The following RAD50 variants were observed in gnomAD, a reference collection of about 807,000 sequenced individuals.
RAD50 encodes the protein DNA repair protein RAD50.
RAD50 carries 132 observed loss-of-function variants against 168.8 expected under a neutral mutation model. The ratio of observed to expected loss-of-function variants is 0.78; its 90% CI spans 0.68 to 0.90. RAD50 has a LOEUF of 0.90. RAD50 is among the 40% of genes least tolerant of loss of function. The pLI is 0.00. For missense variants in RAD50, 1,347 were observed against 1,534.4 expected (o/e 0.88, Z 2.04); for synonymous variants, 525 against 497.4 (o/e 1.06, Z -0.74).
chr5:132,580,013 A>G lies in RAD50; in HGVS notation c.703A>G (p.Thr235Ala), dbSNP rs1561636294. ...GATTACAAGTAAGGAAGCCCAGTTA[A>G]CATCTTCAAAGGAAATTGTCAAATC... ...DQITSKEAQLTSSKEIVKSYE... is the reference protein window; with the variant it reads ...DQITSKEAQLASSKEIVKSYE... Residue 235 changes from threonine (T) to alanine (A), a missense_variant, in exon 5 of 25, where the codon ACA becomes GCA. By Grantham distance (58) the Thr-to-Ala change is moderately conservative. Around this residue, in one of 3 missense-constraint regions of RAD50, gnomAD observed 703 missense variants for 767.7 expected, o/e 0.92. Coordinates refer to ENST00000378823, the MANE Select transcript of RAD50 (RefSeq NM_005732.4). 10 of 1,613,524 alleles carry G rather than the reference A, an allele frequency of 6.2e-6. No homozygotes were observed. Among genetic ancestry groups the G allele is most frequent in the Non-Finnish European group, 8.5e-6 (10 of 1,179,520 alleles).
At chr5:132,624,901 A>G (rs1252273663) in intron 21 of RAD50, among the ~76,000 whole-genome samples, 1 of 151,310 alleles carries the variant, frequency 6.6e-6, no homozygotes, top group Non-Finnish European at 1.5e-5. Flanking sequence ...AAATCACCAA[A>G]ACTTCTATTT....
chr5:132,575,857 A>G lies in RAD50; in HGVS notation c.294A>G (p.Arg98=), dbSNP rs1580985086. 2.5e-6 allele frequency: 4 copies of G among 1,606,688 alleles called. No homozygotes were observed. Among genetic ancestry groups the G allele is most frequent in the Non-Finnish European group, 3.4e-6 (4 of 1,173,232 alleles). ...DVNGELIAVQ[R]SMVCTQKSKK... ...ATGGAGAACTTATAGCTGTGCAAAG[A>G]TCTATGGTGTGTACTCAGAAAAGCA... Residue 98 remains arginine (R), a synonymous_variant, in exon 3 of 25, where the codon AGA becomes AGG. Transcript: ENST00000378823.
chr5:132,638,060 A>C, intron 22 of RAD50, 21 bp from the exon 23 acceptor site: 1 of 1,612,966 alleles, frequency 6.2e-7, no homozygotes, highest in Non-Finnish European at 8.5e-7. Flanking sequence ...TTCCTCTAAA[A>C]TATTCTTCTT....
intron 11 of RAD50, 147 bp downstream of exon 11, chr5:132,592,181 T>A: frequency 1.2e-6 from 1 of 844,842 alleles, no homozygotes; most frequent in Non-Finnish European, 1.9e-6. Context: ...AGAAAGTTCA[T>A]GGAAAAATGG....
Position 132,642,417 on chromosome 5 carries a change from A to G in RAD50, c.*53A>G, listed in dbSNP as rs1477318480. On this transcript the variant is annotated 3_prime_UTR_variant, in exon 25 of 25. Coordinates refer to ENST00000378823, the MANE Select transcript of RAD50 (RefSeq NM_005732.4). ...AATGTAGGTCCTCAGAAAGTGTATAATAAGAAACTTATTTCTCATATCAAC... is the reference window on the plus strand; with the variant it reads ...AATGTAGGTCCTCAGAAAGTGTATAGTAAGAAACTTATTTCTCATATCAAC... The G allele has an allele frequency of 2.0e-6, 3 of 1,464,140 alleles. No homozygotes were observed. The African/African-American group carries it at 4.2e-5, about 21-fold the overall frequency. The allele number at this position is 1,464,140 out of a possible 1,614,324, so 90.7% of individuals were successfully genotyped here.
At chr5:132,590,747 A>G (rs1000972519) in intron 9 of RAD50, among the ~76,000 whole-genome samples, 1 of 152,172 alleles carries the variant, frequency 6.6e-6, no homozygotes, top group Admixed American at 6.5e-5. Flanking sequence ...TTTTTGCTCC[A>G]TAACTCACCA....
Position 132,643,449 on chromosome 5 carries a change from C to A in RAD50, c.*1085C>A, listed in dbSNP as rs922181665. ...CATTCAGAGTCAGCCAGGACCATAC[C>A]GGGTCTTGATTCAGTCACATGGCAT... On this transcript the variant is annotated 3_prime_UTR_variant, in exon 25 of 25. Coordinates refer to ENST00000378823, the MANE Select transcript of RAD50 (RefSeq NM_005732.4). 1 of 234,356 alleles carries A rather than the reference C, an allele frequency of 4.3e-6. No individual in the cohort carries two copies. Among genetic ancestry groups the A allele is most frequent in the African/African-American group, 2.2e-5 (1 of 45,744 alleles). 14.5% of individuals were successfully genotyped at this position (234,356 alleles called of 1,614,324 possible).
Position 132,579,887 on chromosome 5 carries a change from C to G in RAD50, c.577C>G (p.Arg193Gly). The G allele has an allele frequency of 6.2e-7, 1 of 1,612,422 alleles. No individual in the cohort carries two copies. Among genetic ancestry groups the G allele is most frequent in the South Asian group, 1.1e-5 (1 of 91,020 alleles). ...ATACATTAAAGCCTTAGAAACACTT[C>G]GGCAGGTACGTCAGACACAAGGTCA... ...TRYIKALETL[R>G]QVRQTQGQKV... The change falls in exon 5 of 25, where the codon CGG becomes GGG. Residue 193 changes from arginine (R) to glycine (G), a missense_variant. This residue lies in a region of RAD50 where 703 missense variants were observed against 767.7 expected (regional missense o/e 0.92). Coordinates refer to ENST00000378823, the MANE Select transcript of RAD50 (RefSeq NM_005732.4).
At chr5:132,557,585 T>G in intron 1 of RAD50, 132 bp downstream of exon 1, 1 of 1,346,744 alleles carries the variant, frequency 7.4e-7, no homozygotes, top group Non-Finnish European at 1.0e-6. Context: ...TAAAGTGCCT[T>G]AGGGTGTGGC....
chr5:132,592,260 C>G lies in RAD50; in HGVS notation c.1793+226C>G, dbSNP rs539981720. ...AAGCTCCATCAAGTTCAAGACTCTT[C>G]TGAGCAGTGATACCAGCAATTTAGT... On this transcript the variant is annotated intron_variant, in intron 11 of 24. Transcript: ENST00000378823. Among the ~76,000 whole-genome samples the G allele has an allele frequency of 7.9e-5, 12 of 152,330 alleles. No homozygotes were observed. The South Asian group carries it at 2.5e-3, about 32-fold the overall frequency.
intron 11 of RAD50, among the ~76,000 whole-genome samples, chr5:132,594,014 A>C (rs1005600000): frequency 6.6e-6 from 1 of 152,242 alleles, no homozygotes; most frequent in Non-Finnish European, 1.5e-5. Context: ...TGTACTTGGC[A>C]CTTAGGTCAC....
chr5:132,611,498 G>A (rs1404755653), intron 19 of RAD50, among the ~76,000 whole-genome samples: 1 of 151,980 alleles, frequency 6.6e-6, no homozygotes, highest in Non-Finnish European at 1.5e-5. Context: ...GAGGTCAGGA[G>A]ATCGAGACCA....
chr5:132,632,481 G>C (rs575960348), intron 21 of RAD50, among the ~76,000 whole-genome samples: 64 of 152,054 alleles, frequency 4.2e-4, no homozygotes, highest in African/African-American at 1.4e-3. Flanking sequence ...ATATTTTTCT[G>C]AGTTTTTTTT....
chr5:132,577,802 A>ATTTTTT (rs923754085), intron 3 of RAD50, among the ~76,000 whole-genome samples: 4 of 84,380 alleles, frequency 4.7e-5, no homozygotes, highest in African/African-American at 5.9e-5. Flanking sequence ...CCCATTTCTG[A>ATTTTTT]TTTTTTTTTT....
At chr5:132,625,628 A>G (rs1229071556) in intron 21 of RAD50, among the ~76,000 whole-genome samples, 1 of 152,132 alleles carries the variant, frequency 6.6e-6, no homozygotes, top group Non-Finnish European at 1.5e-5. Context: ...GTTGTGCTAT[A>G]ATATACTAGA....
intron 2 of RAD50, among the ~76,000 whole-genome samples, chr5:132,563,294 T>G (rs551593676): frequency 1.8e-4 from 28 of 152,288 alleles, no homozygotes; most frequent in African/African-American, 6.5e-4. Flanking sequence ...CAAAAAGAGA[T>G]AAGATCCATT....
At position 132,637,794 on chromosome 5, in the gene RAD50, A is replaced by G. The variant is rs550867448; in HGVS notation, c.3476-287A>G. On this transcript the variant is annotated intron_variant, in intron 22 of 24. Transcript: ENST00000378823. ...GGTGATCTGCCCACCTTGGCCTCCC[A>G]GTGTTGGGTTTACAGGCGTGAGCCA... Among the ~76,000 whole-genome samples, 5 of 152,206 alleles carry G rather than the reference A, an allele frequency of 3.3e-5. No homozygotes were observed. In the East Asian group the frequency reaches 9.7e-4, roughly 29 times the overall value.
At chr5:132,567,543 T>G (rs984682147) in intron 2 of RAD50, among the ~76,000 whole-genome samples, 4 of 152,036 alleles carry the variant, frequency 2.6e-5, no homozygotes, top group African/African-American at 9.7e-5. Context: ...TGAAGTAGGG[T>G]TGTTGTGCAG....
intron 2 of RAD50, among the ~76,000 whole-genome samples, chr5:132,566,781 C>T (rs1009867777): frequency 3.3e-5 from 5 of 152,222 alleles, no homozygotes; most frequent in African/African-American, 1.2e-4. Flanking sequence ...GGTTGATACT[C>T]TTCTTTTCCC....
Sources: allele counts gnomAD v4.1 joint callset (sites outside exome capture counted in the v4.1 genomes callset), GRCh38; gene constraint gnomAD v4.1.1; regional missense constraint gnomAD v4.1.1; transcripts MANE v1.5; gene names NCBI Gene and HGNC (gene_info 2026-07-23, HGNC 2026-07-21).